The following PPM1N variants were observed in gnomAD, a reference collection of about 807,000 sequenced individuals.
PPM1N encodes protein phosphatase, Mg2+/Mn2+ dependent 1N (putative), also known as probable protein phosphatase 1N.
A neutral mutation model predicts 32.6 loss-of-function variants in PPM1N; 35 were observed. The observed-to-expected ratio is 1.07, with a 90% CI of 0.82 to 1.43. The LOEUF is 1.43. PPM1N is among the 40% of genes most tolerant of loss of function. The pLI is 0.00. For missense variants in PPM1N, 648 were observed against 606.6 expected (o/e 1.07, Z -0.72); for synonymous variants, 275 against 270.5 (o/e 1.02, Z -0.16).
Position 45,502,074 on chromosome 19 carries a change from A to G in PPM1N, c.1282A>G (p.Met428Val). 3 of 1,580,912 alleles carry G rather than the reference A, an allele frequency of 1.9e-6. No individual in the cohort carries two copies. In the South Asian group the frequency reaches 3.5e-5, roughly 18 times the overall value. The change falls in exon 5 of 5, where the codon ATG (methionine) becomes GTG (valine). Residue 428 changes from methionine to valine, a missense_variant. By Grantham distance (21) the Met-to-Val change is conservative. Coordinates refer to ENST00000451287, the MANE Select transcript of PPM1N (RefSeq NM_001080401.2). ...NPTHLGSALD[M>V]EA Reference sequence around the variant, plus strand: ...CACGCATTTGGGCTCAGCCTTGGACATGGAGGCCTGACAGCTGTTGTCCTT... The same window carrying G: ...CACGCATTTGGGCTCAGCCTTGGACGTGGAGGCCTGACAGCTGTTGTCCTT...
At position 45,499,011 on chromosome 19, in the gene PPM1N, G is replaced by A. The variant is rs1181898891; in HGVS notation, c.539G>A (p.Cys180Tyr). 2 of 1,562,054 alleles carry A rather than the reference G, an allele frequency of 1.3e-6. No homozygotes were observed. Among genetic ancestry groups the A allele is most frequent in the East Asian group, 4.7e-5 (2 of 42,178 alleles). ...VSPRFLYLAH[C>Y]GDSRAVLSRA... is the part of the protein sequence containing the mutation. Reference sequence around the variant, plus strand: ...CCGCGGTTTCTGTACCTGGCGCACTGCGGTGACTCCCGCGCGGTGCTGAGC... The same window carrying A: ...CCGCGGTTTCTGTACCTGGCGCACTACGGTGACTCCCGCGCGGTGCTGAGC... Residue 180 changes from cysteine (C) to tyrosine (Y), a missense_variant, in exon 1 of 5, where the codon TGC (cysteine) becomes TAC (tyrosine). By Grantham distance (194) the Cys-to-Tyr change is radical. Coordinates refer to ENST00000451287, the MANE Select transcript of PPM1N (RefSeq NM_001080401.2).
At chr19:45,501,172 C>T (rs1338317379) in intron 4 of PPM1N, among the ~76,000 whole-genome samples, 1 of 152,210 alleles carries the variant, frequency 6.6e-6, no homozygotes, top group Non-Finnish European at 1.5e-5. Context: ...GTGCTTCCCA[C>T]ATCCAAGAAT....
Position 45,498,550 on chromosome 19 carries a change from GGAGGAA to G in PPM1N, c.84_89del (p.Glu32_Glu33del). Reference sequence around the variant, plus strand: ...AAAAGGAGAGGGAGAAGGAGGGGAGGGAGGAAGAGGAGGAGGAGGAGGCGGGGCGCA... The same window carrying G: ...AAAAGGAGAGGGAGAAGGAGGGGAGGGAGGAGGAGGAGGAGGCGGGGCGCA... On this transcript the variant is annotated inframe_deletion, in exon 1 of 5. Transcript: ENST00000451287. 6.9e-7 allele frequency: 1 copy of G among 1,456,450 alleles called. No homozygotes were observed. The highest frequency in any genetic ancestry group is 9.0e-7 in the Non-Finnish European group (1 of 1,108,196). The allele number at this position is 1,456,450 out of a possible 1,614,324, so 90.2% of individuals were successfully genotyped here.
chr19:45,499,918 C>T, intron 1 of PPM1N, 31 bp from the exon 2 acceptor site: 1 of 1,552,486 alleles, frequency 6.4e-7, no homozygotes, highest in Admixed American at 2.0e-5. Context: ...GACTCTCCCC[C>T]ACCGGGCTCC....
rs1420787622 is a variant in PPM1N at position 45,502,206 on chromosome 19, CA to C, written c.*125del. The C allele has an allele frequency of 1.6e-6, 1 of 625,846 alleles. No individual in the cohort carries two copies. The highest frequency in any genetic ancestry group is 2.8e-6 in the Non-Finnish European group (1 of 360,498). 38.8% of individuals were successfully genotyped at this position (625,846 alleles called of 1,614,324 possible). On this transcript the variant is annotated 3_prime_UTR_variant, in exon 5 of 5. Coordinates refer to ENST00000451287, the MANE Select transcript of PPM1N (RefSeq NM_001080401.2). ...AGGAAGGAAGGCCAATGTAGGAACCCAAAATGCTTATTTCTTCTTCTCTTAC... is the reference window on the plus strand; with the variant it reads ...AGGAAGGAAGGCCAATGTAGGAACCCAAATGCTTATTTCTTCTTCTCTTAC...
At chr19:45,500,333 C>A in intron 2 of PPM1N, 123 bp from the exon 3 acceptor site, 1 of 885,854 alleles carries the variant, frequency 1.1e-6, no homozygotes, top group Non-Finnish European at 1.7e-6. Context: ...CGGGGTTTCA[C>A]GATGTTGTCC....
intron 4 of PPM1N, among the ~76,000 whole-genome samples, chr19:45,501,778 C>T (rs894318193): frequency 6.6e-6 from 1 of 152,138 alleles, no homozygotes; most frequent in African/African-American, 2.4e-5. Context: ...TTGCCAATTT[C>T]CCCGGAGTTG....
chr19:45,500,119 T>G (rs1374248810), intron 2 of PPM1N, 53 bp downstream of exon 2: 8 of 1,506,764 alleles, frequency 5.3e-6, no homozygotes, highest in Non-Finnish European at 5.3e-6. Flanking sequence ...GTGAAGGCTG[T>G]GCCATAACTT....
intron 1 of PPM1N, 180 bp from the exon 2 acceptor site, chr19:45,499,769 C>T (rs1968380261): frequency 5.3e-6 from 8 of 1,508,722 alleles, no homozygotes; most frequent in Non-Finnish European, 7.1e-6. Context: ...AGGCATTGTT[C>T]TCTCAATTGG....
chr19:45,498,514 C>T lies in PPM1N; in HGVS notation c.42C>T (p.Thr14=). ...GCCAGCTGCAGCGTCTCCTCTGGACCGCTTGCAAGAAAAAGGAGAGGGAGA... is the reference window on the plus strand; with the variant it reads ...GCCAGCTGCAGCGTCTCCTCTGGACTGCTTGCAAGAAAAAGGAGAGGGAGA... ...LARQLQRLLW[T]ACKKKEREKE... is the part of the protein sequence containing the mutation. The change falls in exon 1 of 5, where the codon ACC becomes ACT. Residue 14 remains threonine (T), a synonymous_variant. Coordinates refer to ENST00000451287, the MANE Select transcript of PPM1N (RefSeq NM_001080401.2). The T allele has an allele frequency of 2.1e-6, 3 of 1,408,382 alleles. No individual in the cohort carries two copies. The highest frequency in any genetic ancestry group is 2.8e-6 in the Non-Finnish European group (3 of 1,085,428). 87.2% of individuals were successfully genotyped at this position (1,408,382 alleles called of 1,614,324 possible). A position where few individuals can be genotyped will look rare whatever the true frequency, so the allele number is the denominator to read the frequency against.
Position 45,498,613 on chromosome 19 carries a change from A to T in PPM1N, c.141A>T (p.Thr47=). The part of the protein sequence containing the change: ...RAPEGPRSLL[T]APRRAQRPHG... ...CCGAAGGGCCTCGGTCTCTGTTGAC[A>T]GCGCCGCGCCGCGCCCAGCGGCCGC... Residue 47 remains threonine (T), a synonymous_variant, in exon 1 of 5, where the codon ACA becomes ACT. Coordinates refer to ENST00000451287, the MANE Select transcript of PPM1N (RefSeq NM_001080401.2). 1 of 1,425,676 alleles carries T rather than the reference A, an allele frequency of 7.0e-7. No individual in the cohort carries two copies. The highest frequency in any genetic ancestry group is 1.5e-5 in the South Asian group (1 of 67,672). 88.3% of individuals were successfully genotyped at this position (1,425,676 alleles called of 1,614,324 possible). A position where few individuals can be genotyped will look rare whatever the true frequency, so the allele number is the denominator to read the frequency against.
intron 2 of PPM1N, 55 bp from the exon 3 acceptor site, chr19:45,500,401 C>A: frequency 6.7e-7 from 1 of 1,485,016 alleles, no homozygotes; most frequent in Non-Finnish European, 9.2e-7. Flanking sequence ...TCCCAAAGTG[C>A]TGGGATTACA....
At chr19:45,501,356 G>A (rs1382466912) in intron 4 of PPM1N, among the ~76,000 whole-genome samples, 1 of 152,206 alleles carries the variant, frequency 6.6e-6, no homozygotes, top group East Asian at 1.9e-4. Flanking sequence ...GGTGGACCAA[G>A]GCATGGAGTG....
At chr19:45,500,097 G>A (rs1473704657) in intron 2 of PPM1N, 31 bp downstream of exon 2, 1 of 1,559,512 alleles carries the variant, frequency 6.4e-7, no homozygotes, top group Admixed American at 2.0e-5. Flanking sequence ...CAGCTGGAGG[G>A]GTGGTTGGCC....
rs945805908 is a variant in PPM1N, at chr19:45,502,027, A to G, written c.1235A>G (p.Asp412Gly). ...CATTTTGTGTTACAGAAGGGGCAGG[A>G]TGGGGCTGGGAAGTCCAACCCCACG... The part of the protein sequence containing the change: ...VSEECGEKGQ[D>G]GAGKSNPTHL... Residue 412 changes from aspartate to glycine, a missense_variant, in exon 5 of 5, where the codon GAT becomes GGT. Transcript: ENST00000451287. The G allele has an allele frequency of 6.6e-7, 1 of 1,520,598 alleles. No individual in the cohort carries two copies. The highest frequency in any genetic ancestry group is 2.6e-5 in the East Asian group (1 of 38,570). The allele number at this position is 1,520,598 out of a possible 1,614,324, so 94.2% of individuals were successfully genotyped here.
Position 45,499,046 on chromosome 19 carries a change from G to C in PPM1N, c.574G>C (p.Ala192Pro). 1 of 1,534,414 alleles carries C rather than the reference G, an allele frequency of 6.5e-7. No individual in the cohort carries two copies. ...DSRAVLSRAGAVAFSTEDHRP... is the reference protein window; with the variant it reads ...DSRAVLSRAGPVAFSTEDHRP... ...CCGCGCGGTGCTGAGCCGCGCTGGC[G>C]CCGTGGCCTTCAGCACAGAGGACCA... The change falls in exon 1 of 5, where the codon GCC becomes CCC. Residue 192 changes from alanine (A) to proline (P), a missense_variant. Physicochemically the swap from Ala to Pro is conservative, Grantham distance 27. Transcript: ENST00000451287.
At position 45,498,754 on chromosome 19, in the gene PPM1N, G is replaced by C; in HGVS notation, c.282G>C (p.Pro94=). 4 of 1,558,588 alleles carry C rather than the reference G, an allele frequency of 2.6e-6. No homozygotes were observed. Among genetic ancestry groups the C allele is most frequent in the Non-Finnish European group, 3.5e-6 (4 of 1,156,540 alleles). The change falls in exon 1 of 5, where the codon CCG becomes CCC. Residue 94 remains proline (P), a synonymous_variant. Transcript: ENST00000451287. The part of the protein sequence containing the change: ...CTWLSLPGLP[P]GWALFAVLDG... ...GGCTTTCGTTACCTGGTCTGCCCCC[G>C]GGCTGGGCCTTGTTTGCCGTCCTCG...
At position 45,498,890 on chromosome 19, in the gene PPM1N, C is replaced by T. The variant is rs747743676; in HGVS notation, c.418C>T (p.Leu140=). The change falls in exon 1 of 5, where the codon CTG becomes TTG. Residue 140 remains leucine (L), a synonymous_variant. Coordinates refer to ENST00000451287, the MANE Select transcript of PPM1N (RefSeq NM_001080401.2). ...PSEPEGVREA[L]RRAFLSADER... ...CGAGCCCGAGGGCGTGCGCGAGGCG[C>T]TGCGCCGAGCCTTCTTGAGCGCCGA... 6.6e-7 allele frequency: 1 copy of T among 1,519,412 alleles called. No homozygotes were observed. Among genetic ancestry groups the T allele is most frequent in the Non-Finnish European group, 8.7e-7 (1 of 1,143,252 alleles). 94.1% of individuals were successfully genotyped at this position (1,519,412 alleles called of 1,614,324 possible).
At chr19:45,499,755 G>C in intron 1 of PPM1N, 194 bp from the exon 2 acceptor site, 1 of 1,519,498 alleles carries the variant, frequency 6.6e-7, no homozygotes, top group Non-Finnish European at 8.8e-7. Flanking sequence ...GAGCTTTAGG[G>C]AAAAGGCATT....
Sources: allele counts gnomAD v4.1 joint callset (sites outside exome capture counted in the v4.1 genomes callset), GRCh38; gene constraint gnomAD v4.1.1; transcripts MANE v1.5; gene names NCBI Gene and HGNC (gene_info 2026-07-23, HGNC 2026-07-21).